The following COL19A1 variants were observed in gnomAD, a reference collection of about 807,000 sequenced individuals.
COL19A1 encodes the protein collagen alpha-1(XIX) chain.
In COL19A1, 159 loss-of-function variants were observed where a neutral mutation model predicts 190.2. The ratio of observed to expected loss-of-function variants is 0.84; its 90% CI spans 0.73 to 0.95. The LOEUF (loss-of-function observed/expected upper bound fraction) is 0.95, where lower values mean the gene tolerates loss of function less well. Among genes scored for constraint, COL19A1 ranks in the 40% least tolerant of loss-of-function variants. The pLI is 0.00. For missense variants in COL19A1, 1,418 were observed against 1,431.9 expected, an observed-to-expected ratio of 0.99 and a Z score of 0.16; for synonymous variants, 509 against 458.9, an observed-to-expected ratio of 1.11 and a Z score of -1.39.
At chr6:69,979,621 C>CT (rs1403210293) in intron 11 of COL19A1, among the ~76,000 whole-genome samples, 1 of 151,630 alleles carries the variant, frequency 6.6e-6, no homozygotes, top group African/African-American at 2.4e-5. Context: ...ACCATTACTT[C>CT]ACAAGAAAAT....
At chr6:70,108,299 T>G (rs1005152843) in intron 16 of COL19A1, among the ~76,000 whole-genome samples, 3 of 152,200 alleles carry the variant, frequency 2.0e-5, no homozygotes, top group African/African-American at 7.2e-5. Context: ...CTTTCTTTTT[T>G]TCTTCTGGTA....
chr6:70,107,567 C>A (rs1784052277), intron 16 of COL19A1, among the ~76,000 whole-genome samples: 1 of 152,198 alleles, frequency 6.6e-6, no homozygotes, highest in South Asian at 2.1e-4. Flanking sequence ...CACCCATTCA[C>A]ACTGTAGAGA....
In COL19A1 at chr6:70,187,994, A is replaced by G. The variant is rs3749913; in HGVS notation, c.2857-81A>G. 0.44 allele frequency: 665,947 copies of G among 1,510,390 alleles called. 148,643 individuals carry two copies. Among genetic ancestry groups the G allele is most frequent in the South Asian group, 0.5 (40,039 of 79,726 alleles). 93.6% of individuals were successfully genotyped at this position (1,510,390 alleles called of 1,614,324 possible). ...CAAGGCCCAACAGCTAATAAGTGCC[A>G]GTATGAATCCAGAACTTTTGCTCTC... On this transcript the variant is annotated intron_variant, in intron 46 of 50. Coordinates refer to ENST00000620364, the MANE Select transcript of COL19A1 (RefSeq NM_001858.6).
At chr6:70,152,707 A>G (rs1374006479) in intron 31 of COL19A1, among the ~76,000 whole-genome samples, 2 of 152,280 alleles carry the variant, frequency 1.3e-5, no homozygotes, top group East Asian at 3.9e-4. Context: ...TTTTTCAGTC[A>G]TAGAGCAAGT....
chr6:69,914,727 G>A (rs930454303), intron 4 of COL19A1, among the ~76,000 whole-genome samples: 1 of 152,100 alleles, frequency 6.6e-6, no homozygotes, highest in Non-Finnish European at 1.5e-5. Context: ...TTGCTTTCAA[G>A]GCTTATGCTT....
chr6:70,057,820 C>T (rs1015707606), intron 14 of COL19A1, among the ~76,000 whole-genome samples: 1 of 152,018 alleles, frequency 6.6e-6, no homozygotes, highest in Non-Finnish European at 1.5e-5. Context: ...TTTTCCATAG[C>T]TATGGCAGTT....
intron 11 of COL19A1, among the ~76,000 whole-genome samples, chr6:70,016,841 C>T (rs909921144): frequency 9.2e-5 from 14 of 151,868 alleles, no homozygotes; most frequent in African/African-American, 2.7e-4. Flanking sequence ...ACTAAAATGG[C>T]TATAATCAAA....
chr6:70,084,042 C>T (rs772601230), intron 15 of COL19A1, among the ~76,000 whole-genome samples: 3 of 152,108 alleles, frequency 2.0e-5, no homozygotes, highest in Non-Finnish European at 2.9e-5. Flanking sequence ...AATAGTCCAA[C>T]TTACCTTTTT....
intron 15 of COL19A1, among the ~76,000 whole-genome samples, chr6:70,083,882 C>G (rs1487217254): frequency 6.6e-6 from 1 of 151,986 alleles, no homozygotes; most frequent in Non-Finnish European, 1.5e-5. Flanking sequence ...ATATGCAGGG[C>G]AAGACAACCA....
chr6:70,157,950 T>C (rs1022256629), intron 34 of COL19A1, among the ~76,000 whole-genome samples: 1 of 152,176 alleles, frequency 6.6e-6, no homozygotes, highest in East Asian at 1.9e-4. Flanking sequence ...GGCACTTTTC[T>C]CTCTTGGTGA....
At chr6:69,917,719 A>G (rs1771401787) in intron 4 of COL19A1, among the ~76,000 whole-genome samples, 2 of 152,186 alleles carry the variant, frequency 1.3e-5, no homozygotes, top group Non-Finnish European at 2.9e-5. Context: ...AAAGCCATCT[A>G]AATCAAGGGT....
chr6:70,038,871 C>A (rs1387333956), intron 14 of COL19A1, among the ~76,000 whole-genome samples: 1 of 152,040 alleles, frequency 6.6e-6, no homozygotes, highest in East Asian at 1.9e-4. Flanking sequence ...TCTGTCGCAT[C>A]CTGGCCAACA....
intron 18 of COL19A1, chr6:70,130,945 G>T (rs528072783): frequency 4.5e-6 from 1 of 220,640 alleles, no homozygotes. Flanking sequence ...GCCATTTTTG[G>T]TGGGGTTTTA....
chr6:70,144,992 C>A lies in COL19A1; in HGVS notation c.1755C>A (p.Ser585Arg). The A allele has an allele frequency of 6.3e-7, 1 of 1,589,068 alleles. No homozygotes were observed. The highest frequency in any genetic ancestry group is 1.1e-5 in the South Asian group (1 of 87,500). ...PKGEAGPPGK[S>R]LPGEPGLDGN... ...GTGAGGCTGGTCCTCCAGGGAAAAG[C>A]CTGCCAGGGGAACCAGTAAGTATTA... The change falls in exon 25 of 51, where the codon AGC (serine) becomes AGA (arginine). Residue 585 changes from serine to arginine, a missense_variant. Physicochemically the swap from Ser to Arg is moderately radical, Grantham distance 110. Transcript: ENST00000620364.
chr6:70,041,945 G>GT (rs1362600201), intron 14 of COL19A1, among the ~76,000 whole-genome samples: 1 of 152,072 alleles, frequency 6.6e-6, no homozygotes, highest in Non-Finnish European at 1.5e-5. Flanking sequence ...ATGGATGCCT[G>GT]TAATCCCAGC....
At chr6:70,146,957 A>G (rs1786696217) in intron 27 of COL19A1, 68 bp downstream of exon 27, 2 of 1,366,588 alleles carry the variant, frequency 1.5e-6, no homozygotes, top group Non-Finnish European at 2.0e-6. Context: ...GTCAAATTTT[A>G]ACAAGGAGAA....
Position 69,932,776 on chromosome 6 carries a change from T to G in COL19A1, c.667-7T>G. ...AAAGATGTTTCTTATTACTAATTTTTTCATAGATTGAACTTCACCAACTTA... is the reference window on the plus strand; with the variant it reads ...AAAGATGTTTCTTATTACTAATTTTGTCATAGATTGAACTTCACCAACTTA... On this transcript the variant is annotated splice_polypyrimidine_tract_variant and splice_region_variant and intron_variant, in intron 6 of 50. Transcript: ENST00000620364. The G allele has an allele frequency of 6.4e-7, 1 of 1,565,836 alleles. No individual in the cohort carries two copies. Among genetic ancestry groups the G allele is most frequent in the South Asian group, 1.2e-5 (1 of 86,498 alleles).
In COL19A1 at chr6:70,156,343, G is replaced by C. The variant is rs780842522; in HGVS notation, c.2212G>C (p.Gly738Arg). Reference sequence around the variant, plus strand: ...TGATATAGGGCCACGGGGTCCTCCAGGAATCCCAGGAAGAGAGGGACCAAA... The same window carrying C: ...TGATATAGGGCCACGGGGTCCTCCACGAATCCCAGGAAGAGAGGGACCAAA... ...KGDIGPRGPP[G>R]IPGREGPKGS... is the part of the protein sequence containing the mutation. Residue 738 changes from glycine (G) to arginine (R), a missense_variant, in exon 33 of 51, where the codon GGA becomes CGA. Physicochemically the swap from Gly to Arg is moderately radical, Grantham distance 125. Coordinates refer to ENST00000620364, the MANE Select transcript of COL19A1 (RefSeq NM_001858.6). 2 of 1,613,246 alleles carry C rather than the reference G, an allele frequency of 1.2e-6. No homozygotes were observed. The highest frequency in any genetic ancestry group is 4.5e-5 in the East Asian group (2 of 44,826).
rs1779335398 is a variant in COL19A1 at position 70,036,009 on chromosome 6, G to A, written c.1170+70G>A. 6 of 1,395,872 alleles carry A rather than the reference G, an allele frequency of 4.3e-6. No homozygotes were observed. In the Admixed American group the frequency reaches 5.2e-5, roughly 12 times the overall value. The allele number at this position is 1,395,872 out of a possible 1,614,324, so 86.5% of individuals were successfully genotyped here. A position where few individuals can be genotyped will look rare whatever the true frequency, so the allele number is the denominator to read the frequency against. ...CTGTTTATTATCCATATTACATCAT[G>A]ACTAAACCAGAATTTAAGTCACAGA... On this transcript the variant is annotated intron_variant, in intron 14 of 50. Coordinates refer to ENST00000620364, the MANE Select transcript of COL19A1 (RefSeq NM_001858.6).
Sources: allele counts gnomAD v4.1 joint callset (sites outside exome capture counted in the v4.1 genomes callset), GRCh38; gene constraint gnomAD v4.1.1; transcripts MANE v1.5; gene names NCBI Gene and HGNC (gene_info 2026-07-23, HGNC 2026-07-21).